The following OSBPL10 variants were observed in gnomAD, a reference collection of about 807,000 sequenced individuals.
The protein encoded by OSBPL10 is oxysterol-binding protein-related protein 10.
In OSBPL10, 49 loss-of-function variants were observed where a neutral mutation model predicts 81.7. The ratio of observed to expected loss-of-function variants is 0.60; its 90% CI spans 0.48 to 0.76. OSBPL10 has a LOEUF of 0.76. OSBPL10 is among the 30% of genes least tolerant of loss of function. The pLI is 0.00. For synonymous variants in OSBPL10, 419 were observed against 383.6 expected, an observed-to-expected ratio of 1.09 and a Z score of -1.08; for missense variants, 923 against 987.8, an observed-to-expected ratio of 0.93 and a Z score of 0.88.
At chr3:31,922,665 A>G (rs1037488506) in intron 1 of OSBPL10, among the ~76,000 whole-genome samples, 2 of 152,188 alleles carry the variant, frequency 1.3e-5, no homozygotes, top group African/African-American at 4.8e-5. Context: ...AACAATAATA[A>G]AGTCTATTAA....
intron 7 of OSBPL10, among the ~76,000 whole-genome samples, chr3:31,688,916 C>T (rs895495278): frequency 6.6e-6 from 1 of 152,172 alleles, no homozygotes. Flanking sequence ...TCTCCTAAGA[C>T]ACCTTTGGGG....
In OSBPL10 at chr3:31,928,762, C is replaced by CAAAA. The variant is rs58345341; in HGVS notation, c.282-48936_282-48933dup. Among the ~76,000 whole-genome samples the CAAAA allele has an allele frequency of 1.8e-3, 174 of 95,082 alleles. No homozygotes were observed. In the Middle Eastern group the frequency reaches 0.036, roughly 20 times the overall value. 62.4% of individuals were successfully genotyped at this position (95,082 alleles called of 152,430 possible). ...TCTGGGCGACAGTGAGACTTGTCTC[C>CAAAA]AAAAAAAAAAAAAAAAAAAGAATGC... On this transcript the variant is annotated intron_variant, in intron 1 of 11. Coordinates refer to ENST00000396556, the MANE Select transcript of OSBPL10 (RefSeq NM_017784.5).
chr3:31,675,684 G>A lies in OSBPL10; in HGVS notation c.1727-4701C>T, dbSNP rs141073938. Among the ~76,000 whole-genome samples the A allele has an allele frequency of 5.3e-3, 811 of 152,260 alleles. 5 individuals carry two copies. The highest frequency in any genetic ancestry group is 0.019 in the African/African-American group (772 of 41,550). On this transcript the variant is annotated intron_variant, in intron 8 of 11. Transcript: ENST00000396556. Reference sequence around the variant, plus strand: ...TGCAGGGCCAGGCGCAGTGGCTCACGCCTGTAATCCCAGCACTTTGGGAGG... The same window carrying A: ...TGCAGGGCCAGGCGCAGTGGCTCACACCTGTAATCCCAGCACTTTGGGAGG...
chr3:31,856,745 G>A (rs1173681369), intron 3 of OSBPL10, among the ~76,000 whole-genome samples: 3 of 152,142 alleles, frequency 2.0e-5, no homozygotes, highest in Non-Finnish European at 2.9e-5. Flanking sequence ...TAAGATGTAC[G>A]AGTTGAATGT....
intron 1 of OSBPL10, among the ~76,000 whole-genome samples, chr3:31,914,933 G>A (rs1696706803): frequency 2.6e-5 from 4 of 151,966 alleles, no homozygotes; most frequent in Non-Finnish European, 2.9e-5. Context: ...CTGTGTTTAC[G>A]GGGATGTGTC....
chr3:31,990,041 A>G, intron 2 of OSBPL10: 1 of 1,614,074 alleles, frequency 6.2e-7, no homozygotes, highest in Non-Finnish European at 8.5e-7. Context: ...GAATGTGACA[A>G]AGTTTTTAGT....
At chr3:31,900,968 G>A (rs745876182) in intron 1 of OSBPL10, among the ~76,000 whole-genome samples, 1 of 152,142 alleles carries the variant, frequency 6.6e-6, no homozygotes, top group Non-Finnish European at 1.5e-5. Flanking sequence ...ATTTGATTAA[G>A]GGAAGCTGGG....
At position 31,857,810 on chromosome 3, in the gene OSBPL10, GA is replaced by G. The variant is rs1202408771; in HGVS notation, c.537+18622del. Among the ~76,000 whole-genome samples the G allele has an allele frequency of 1.8e-4, 8 of 45,448 alleles. No homozygotes were observed. The East Asian group carries it at 2.5e-3, about 14-fold the overall frequency. The allele number at this position is 45,448 out of a possible 152,430, so 29.8% of individuals were successfully genotyped here. On this transcript the variant is annotated intron_variant, in intron 3 of 11. Coordinates refer to ENST00000396556, the MANE Select transcript of OSBPL10 (RefSeq NM_017784.5). ...GGGGGGAGAGACAGAAAGGGAGAGA[GA>G]GAGAAAGGGAGAGGGAGAGGGAGAG...
chr3:31,801,546 C>T (rs1699378416), intron 4 of OSBPL10, among the ~76,000 whole-genome samples: 1 of 152,166 alleles, frequency 6.6e-6, no homozygotes, highest in Admixed American at 6.5e-5. Context: ...AGGCCTCCCA[C>T]AGCAGGCCCA....
intron 4 of OSBPL10, among the ~76,000 whole-genome samples, chr3:31,783,998 G>A (rs1271382552): frequency 6.6e-6 from 1 of 151,162 alleles, no homozygotes; most frequent in South Asian, 2.1e-4. Context: ...TAACAAGTTT[G>A]TGATTCACCA....
chr3:31,808,124 C>A (rs1480307503), intron 4 of OSBPL10, among the ~76,000 whole-genome samples: 2 of 152,246 alleles, frequency 1.3e-5, no homozygotes, highest in South Asian at 4.1e-4. Context: ...GAATCAGGTA[C>A]CTTGGAGAGC....
At chr3:31,905,673 A>T (rs533679231) in intron 1 of OSBPL10, among the ~76,000 whole-genome samples, 91 of 152,172 alleles carry the variant, frequency 6.0e-4, no homozygotes, top group Non-Finnish European at 1.1e-3. Context: ...TTCTCATCAC[A>T]ATAGACAAGA....
At chr3:31,977,526 A>C (rs1698723859) in intron 1 of OSBPL10, among the ~76,000 whole-genome samples, 1 of 152,102 alleles carries the variant, frequency 6.6e-6, no homozygotes, top group Admixed American at 6.5e-5. Context: ...CTGCCTCCTC[A>C]AGTTCTCGAG....
chr3:31,875,512 G>A (rs920760030), intron 3 of OSBPL10, among the ~76,000 whole-genome samples: 1 of 149,672 alleles, frequency 6.7e-6, no homozygotes, highest in African/African-American at 2.5e-5. Context: ...TTACAGGTAA[G>A]TGCCACTATC....
chr3:31,767,994 A>G (rs570299308), intron 4 of OSBPL10, among the ~76,000 whole-genome samples: 1 of 152,244 alleles, frequency 6.6e-6, no homozygotes, highest in East Asian at 1.9e-4. Flanking sequence ...AGCCCTGAGG[A>G]CTACTGGTTG....
At chr3:31,766,334 TTTG>T (rs1559455349) in intron 4 of OSBPL10, among the ~76,000 whole-genome samples, 6 of 17,458 alleles carry the variant, frequency 3.4e-4, no homozygotes, top group Admixed American at 8.4e-4. Context: ...TTTTTGTTTT[TTTG>T]TTTTTTTTTG....
At chr3:31,855,697 C>A (rs1381952602) in intron 3 of OSBPL10, among the ~76,000 whole-genome samples, 2 of 152,248 alleles carry the variant, frequency 1.3e-5, no homozygotes, top group East Asian at 3.9e-4. Flanking sequence ...CTACTCCAAG[C>A]ATTCATTCGT....
chr3:31,909,028 AT>A (rs1696498697), intron 1 of OSBPL10, among the ~76,000 whole-genome samples: 1 of 152,266 alleles, frequency 6.6e-6, no homozygotes, highest in Admixed American at 6.5e-5. Context: ...GTGTCTTAGA[AT>A]AAAATGCTAA....
chr3:31,768,699 T>C (rs1698272328), intron 4 of OSBPL10, among the ~76,000 whole-genome samples: 1 of 152,180 alleles, frequency 6.6e-6, no homozygotes, highest in Non-Finnish European at 1.5e-5. Context: ...TCTGACTGTA[T>C]ACTTCACCCT....
Sources: allele counts gnomAD v4.1 joint callset (sites outside exome capture counted in the v4.1 genomes callset), GRCh38; gene constraint gnomAD v4.1.1; transcripts MANE v1.5; gene names NCBI Gene and HGNC (gene_info 2026-07-23, HGNC 2026-07-21).